Variants in CCR1 observed in about 807,000 individuals in gnomAD.
CCR1 encodes the protein C-C chemokine receptor type 1.
CCR1 carries 1 observed loss-of-function variant against 0.3 expected under a neutral mutation model. The ratio of observed to expected loss-of-function variants is 3.70; its 90% CI spans 1.31 to 17.54. CCR1 has a LOEUF of 17.54. Among genes scored for constraint, CCR1 ranks in the 30% most tolerant of loss-of-function variants. CCR1 has a pLI of 0.11. For missense variants in CCR1, 349 were observed against 435.4 expected (o/e 0.80, Z 1.77); for synonymous variants, 207 against 182.5 (o/e 1.13, Z -1.08).
chr3:46,205,273 A>G (rs1699637178), intron 1 of CCR1, among the ~76,000 whole-genome samples: 4 of 152,144 alleles, frequency 2.6e-5, no homozygotes, highest in Admixed American at 2.6e-4. Flanking sequence ...GCACAGGTAG[A>G]TCTAAGGTCA....
Position 46,204,236 on chromosome 3 carries a change from C to T in CCR1, c.78G>A (p.Lys26=), listed in dbSNP as rs201804077. The T allele has an allele frequency of 6.2e-7, 1 of 1,614,050 alleles. No homozygotes were observed. The highest frequency in any genetic ancestry group is 8.5e-7 in the Non-Finnish European group (1 of 1,179,992). Residue 26 remains lysine, a synonymous_variant, in exon 2 of 2, where the codon AAG becomes AAA. Transcript: ENST00000296140. ...GGGCCCCAAAGGCCCTCTCGTTCAC[C>T]TTCTGGCACGGAGTTGCATCCCCAT... is the stretch of plus-strand genomic sequence containing the variant. The part of the protein sequence containing the change: ...FDYGDATPCQ[K]VNERAFGAQL...
At position 46,203,749 on chromosome 3, in the gene CCR1, G is replaced by A. The variant is rs748150820; in HGVS notation, c.565C>T (p.His189Tyr). ...THHTCSLHFP[H>Y]ESLREWKLFQ... The stretch of plus-strand genomic sequence containing the variant: ...AGCTTCCACTCTCGTAGGCTTTCGT[G>A]AGGAAAGTGAAGGCTGCAGGTGTGG... The change falls in exon 2 of 2, where the codon CAC becomes TAC. Residue 189 changes from histidine to tyrosine, a missense_variant. Physicochemically the swap from His to Tyr is moderately conservative, Grantham distance 83. Transcript: ENST00000296140. The surrounding 1 kb of genome is among the most constrained non-coding windows in gnomAD (Gnocchi z 4.5). 5 of 1,614,178 alleles carry A rather than the reference G, an allele frequency of 3.1e-6. No homozygotes were observed. In the East Asian group the frequency reaches 8.9e-5, roughly 29 times the overall value.
At position 46,203,786 on chromosome 3, in the gene CCR1, C is replaced by G. The variant is rs772286222; in HGVS notation, c.528G>C (p.Trp176Cys). 3 of 1,614,172 alleles carry G rather than the reference C, an allele frequency of 1.9e-6. No homozygotes were observed. The South Asian group carries it at 3.3e-5, about 18-fold the overall frequency. ...MPGLYFSKTQ[W>C]EFTHHTCSLH... ...GGCTGCAGGTGTGGTGAGTGAATTC[C>G]CATTGGGTCTTGGAAAAGTATAAGC... The change falls in exon 2 of 2, where the codon TGG (tryptophan) becomes TGC (cysteine). Residue 176 changes from tryptophan to cysteine, a missense_variant. Coordinates refer to ENST00000296140, the MANE Select transcript of CCR1 (RefSeq NM_001295.3). This position sits in a 1 kb window ranked among gnomAD's most constrained non-coding sequence, Gnocchi z 4.5.
chr3:46,203,542 T>A lies in CCR1; in HGVS notation c.772A>T (p.Thr258Ser). The change falls in exon 2 of 2, where the codon ACT (threonine) becomes TCT (serine). Residue 258 changes from threonine to serine, a missense_variant. Thr to Ser is a moderately conservative substitution (Grantham distance 58, BLOSUM62 1). Coordinates refer to ENST00000296140, the MANE Select transcript of CCR1 (RefSeq NM_001295.3). This position sits in a 1 kb window ranked among gnomAD's most constrained non-coding sequence, Gnocchi z 4.5. ...FFLFWTPYNL[T>S]ILISVFQDFL... ...TCTTGGAAAACAGAAATAAGTATAGTCAAATTGTAGGGGGTCCAAAAGAGA... is the reference window on the plus strand; with the variant it reads ...TCTTGGAAAACAGAAATAAGTATAGACAAATTGTAGGGGGTCCAAAAGAGA... 1 of 1,613,978 alleles carries A rather than the reference T, an allele frequency of 6.2e-7. No individual in the cohort carries two copies. Among genetic ancestry groups the A allele is most frequent in the Non-Finnish European group, 8.5e-7 (1 of 1,179,970 alleles).
At chr3:46,204,386 G>T in intron 1 of CCR1, 62 bp from the exon 2 acceptor site, 1 of 1,058,302 alleles carries the variant, frequency 9.4e-7, no homozygotes, top group Non-Finnish European at 1.3e-6. Flanking sequence ...AGTGGGCACT[G>T]GACAGTAAAG....
At chr3:46,205,975 T>C (rs912652225) in intron 1 of CCR1, among the ~76,000 whole-genome samples, 1 of 152,142 alleles carries the variant, frequency 6.6e-6, no homozygotes, top group Non-Finnish European at 1.5e-5. Context: ...AATTTCTTTG[T>C]AGTTAATCTA....
In CCR1 at chr3:46,203,389, G is replaced by A. The variant is rs554174316; in HGVS notation, c.925C>T (p.Arg309Trp). The change falls in exon 2 of 2, where the codon CGG becomes TGG. Residue 309 changes from arginine to tryptophan, a missense_variant. Physicochemically the swap from Arg to Trp is moderately radical, Grantham distance 101. Transcript: ENST00000296140. The surrounding 1 kb of genome is among the most constrained non-coding windows in gnomAD (Gnocchi z 4.5). ...VIYAFVGERF[R>W]KYLRQLFHRR... is the part of the protein sequence containing the mutation. The stretch of plus-strand genomic sequence containing the variant: ...TGGAACAACTGCCGCAGGTACTTCC[G>A]GAACCTCTCACCAACGAAGGCGTAG... 22 of 1,614,004 alleles carry A rather than the reference G, an allele frequency of 1.4e-5. No individual in the cohort carries two copies. The highest frequency in any genetic ancestry group is 4.4e-5 in the South Asian group (4 of 91,086).
Position 46,203,871 on chromosome 3 carries a change from G to T in CCR1, c.443C>A (p.Thr148Asn), listed in dbSNP as rs767182036. ...GATGATGCTGGTGATGACACCAAAAGTGACGGTCCGTGCCCGCAAGGCAAA... is the reference window on the plus strand; with the variant it reads ...GATGATGCTGGTGATGACACCAAAATTGACGGTCCGTGCCCGCAAGGCAAA... ...AVFALRARTV[T>N]FGVITSIIIW... is the part of the protein sequence containing the mutation. The change falls in exon 2 of 2, where the codon ACT (threonine) becomes AAT (asparagine). Residue 148 changes from threonine to asparagine, a missense_variant. By Grantham distance (65) the Thr-to-Asn change is moderately conservative (BLOSUM62 0). Transcript: ENST00000296140. The surrounding 1 kb of genome is among the most constrained non-coding windows in gnomAD (Gnocchi z 4.5). The T allele has an allele frequency of 2.7e-5, 44 of 1,614,112 alleles. No individual in the cohort carries two copies. The highest frequency in any genetic ancestry group is 3.6e-5 in the Non-Finnish European group (43 of 1,180,048).
intron 1 of CCR1, among the ~76,000 whole-genome samples, chr3:46,206,492 C>T (rs190883727): frequency 9.9e-5 from 15 of 152,266 alleles, no homozygotes; most frequent in African/African-American, 3.6e-4. Context: ...CAGCACTTTT[C>T]GGTGGGCTGG....
rs759150444 is a variant in CCR1, at chr3:46,203,962, A to C, written c.352T>G (p.Tyr118Asp). Residue 118 changes from tyrosine (Y) to aspartate (D), a missense_variant, in exon 2 of 2, where the codon TAC (tyrosine) becomes GAC (aspartate). Coordinates refer to ENST00000296140, the MANE Select transcript of CCR1 (RefSeq NM_001295.3). The surrounding 1 kb of genome is among the most constrained non-coding windows in gnomAD (Gnocchi z 4.5). Reference protein sequence around the residue: ...ILSGFYYTGLYSEIFFIILLT... With the variant: ...ILSGFYYTGLDSEIFFIILLT... ...AGGATGATGAAAAAGATCTCGCTGT[A>C]CAAGCCTGTGTAATAAAACCCAGAG... 6.2e-7 allele frequency: 1 copy of C among 1,614,136 alleles called. No individual in the cohort carries two copies. Among genetic ancestry groups the C allele is most frequent in the Admixed American group, 1.7e-5 (1 of 60,012 alleles).
chr3:46,203,562 A>G lies in CCR1; in HGVS notation c.752T>C (p.Phe251Ser). 1 of 1,614,152 alleles carries G rather than the reference A, an allele frequency of 6.2e-7. No homozygotes were observed. Among genetic ancestry groups the G allele is most frequent in the Non-Finnish European group, 8.5e-7 (1 of 1,180,014 alleles). Residue 251 changes from phenylalanine to serine, a missense_variant, in exon 2 of 2, where the codon TTT (phenylalanine) becomes TCT (serine). Physicochemically the swap from Phe to Ser is radical, Grantham distance 155. Coordinates refer to ENST00000296140, the MANE Select transcript of CCR1 (RefSeq NM_001295.3). This position sits in a 1 kb window ranked among gnomAD's most constrained non-coding sequence, Gnocchi z 4.5. Reference protein sequence around the residue: ...IFVIMIIFFLFWTPYNLTILI... With the variant: ...IFVIMIIFFLSWTPYNLTILI... ...TATAGTCAAATTGTAGGGGGTCCAAAAGAGAAAAAAGATGATCATGATGAC... is the reference window on the plus strand; with the variant it reads ...TATAGTCAAATTGTAGGGGGTCCAAGAGAGAAAAAAGATGATCATGATGAC...
chr3:46,205,760 C>T (rs1347641433), intron 1 of CCR1, among the ~76,000 whole-genome samples: 1 of 152,116 alleles, frequency 6.6e-6, no homozygotes, highest in African/African-American at 2.4e-5. Flanking sequence ...CACCCTCCCA[C>T]CACCACCACC....
In CCR1 at chr3:46,202,815, CCTCA is replaced by C. The variant is rs1303852616; in HGVS notation, c.*427_*430del. 1 of 152,526 alleles carries C rather than the reference CCTCA, an allele frequency of 6.6e-6. No individual in the cohort carries two copies. Among genetic ancestry groups the C allele is most frequent in the Admixed American group, 6.6e-5 (1 of 15,234 alleles). 9.4% of individuals were successfully genotyped at this position (152,526 alleles called of 1,614,324 possible). A position where few individuals can be genotyped will look rare whatever the true frequency, so the allele number is the denominator to read the frequency against. On this transcript the variant is annotated 3_prime_UTR_variant, in exon 2 of 2. Transcript: ENST00000296140. ...GGGAGGTGATGGAAGAACAGAAATT[CCTCA>C]TACATCAGTGTCTCCCATGGCTTAG...
Position 46,204,133 on chromosome 3 carries a change from G to C in CCR1, c.181C>G (p.Gln61Glu), listed in dbSNP as rs142817888. ...GNILVVLVLV[Q>E]YKRLKNMTSI... ...GTCATGTTTTTTAGCCTCTTGTATT[G>C]CACAAGGACCAGGACCACCAGGATG... Residue 61 changes from glutamine (Q) to glutamate (E), a missense_variant, in exon 2 of 2, where the codon CAA becomes GAA. Physicochemically the swap from Gln to Glu is conservative, Grantham distance 29. Transcript: ENST00000296140. The C allele has an allele frequency of 6.2e-7, 1 of 1,614,118 alleles. No homozygotes were observed. Among genetic ancestry groups the C allele is most frequent in the Non-Finnish European group, 8.5e-7 (1 of 1,180,020 alleles).
Position 46,206,906 on chromosome 3 carries a change from G to C in CCR1, c.-12+1376C>G, listed in dbSNP as rs1699653486. Among the ~76,000 whole-genome samples, 2 of 152,184 alleles carry C rather than the reference G, an allele frequency of 1.3e-5. 1 individual carries two copies. Among genetic ancestry groups the C allele is most frequent in the South Asian group, 4.1e-4 (2 of 4,830 alleles). On this transcript the variant is annotated intron_variant, in intron 1 of 1. Coordinates refer to ENST00000296140, the MANE Select transcript of CCR1 (RefSeq NM_001295.3). ...GACCCTCCACTGCTAGTGTCCTCCA[G>C]CCTGGGAGTTGGTGAAGTCTCTGAG...
chr3:46,204,251 T>C lies in CCR1; in HGVS notation c.63A>G (p.Ala21=). 4 of 1,613,670 alleles carry C rather than the reference T, an allele frequency of 2.5e-6. No individual in the cohort carries two copies. The highest frequency in any genetic ancestry group is 3.4e-6 in the Non-Finnish European group (4 of 1,179,824). ...DTTTEFDYGD[A]TPCQKVNERA... ...TCTCGTTCACCTTCTGGCACGGAGT[T>C]GCATCCCCATAGTCAAACTCTGTGG... Residue 21 remains alanine (A), a synonymous_variant, in exon 2 of 2, where the codon GCA becomes GCG. Transcript: ENST00000296140.
At chr3:46,205,676 C>T (rs1015158559) in intron 1 of CCR1, among the ~76,000 whole-genome samples, 2 of 152,150 alleles carry the variant, frequency 1.3e-5, no homozygotes, top group Non-Finnish European at 2.9e-5. Flanking sequence ...CTTCATTCCT[C>T]ATCTGTAATG....
In CCR1 at chr3:46,202,350, T is replaced by C. The variant is rs1197466605; in HGVS notation, c.*896A>G. 6.6e-6 allele frequency: 1 copy of C among 152,096 alleles called. No homozygotes were observed. Among genetic ancestry groups the C allele is most frequent in the Non-Finnish European group, 1.5e-5 (1 of 68,016 alleles). 9.4% of individuals were successfully genotyped at this position (152,096 alleles called of 1,614,324 possible). ...CTTCCTTTTGCCTGTTATTAATCGC[T>C]GCAATAAAGCCATTAGAATCTACCA... On this transcript the variant is annotated 3_prime_UTR_variant, in exon 2 of 2. Transcript: ENST00000296140.
Position 46,207,599 on chromosome 3 carries a change from T to C in CCR1, c.-12+683A>G, listed in dbSNP as rs555347263. On this transcript the variant is annotated intron_variant, in intron 1 of 1. Coordinates refer to ENST00000296140, the MANE Select transcript of CCR1 (RefSeq NM_001295.3). ...AATATTTCCCTCTTGCTATAATTTC[T>C]TCATACACCATGTTTGGTTTTCCTT... is the stretch of plus-strand genomic sequence containing the variant. Among the ~76,000 whole-genome samples the C allele has an allele frequency of 2.0e-5, 3 of 152,254 alleles. No homozygotes were observed. The East Asian group carries it at 5.8e-4, about 29-fold the overall frequency.
Sources: gnomAD v4.1 joint callset for allele counts (sites outside exome capture counted in the v4.1 genomes callset) on GRCh38, gnomAD v4.1.1 for gene constraint, Gnocchi (gnomAD v3.1) non-coding constraint, MANE v1.5 for transcripts, NCBI Gene and HGNC (gene_info 2026-07-23, HGNC 2026-07-21) for gene names.